The following CDH13 variants were observed in gnomAD, a reference collection of about 807,000 sequenced individuals.
The protein encoded by CDH13 is cadherin 13.
A neutral mutation model predicts 63.8 loss-of-function variants in CDH13; 24 were observed. The observed-to-expected ratio is 0.38, with a 90% CI of 0.27 to 0.53. The LOEUF is 0.53. CDH13 is among the 20% of genes least tolerant of loss of function. The pLI is 0.85. For missense variants in CDH13, 1,049 were observed against 903.1 expected, an observed-to-expected ratio of 1.16 and a Z score of -2.07; for synonymous variants, 503 against 355.3, an observed-to-expected ratio of 1.42 and a Z score of -4.67.
At chr16:83,435,749 C>G (rs1047889620) in intron 6 of CDH13, among the ~76,000 whole-genome samples, 1 of 152,074 alleles carries the variant, frequency 6.6e-6, no homozygotes, top group Non-Finnish European at 1.5e-5. Flanking sequence ...TAGGAGAGGC[C>G]AAGCCACTCT....
chr16:83,682,983 G>C (rs1324535635), intron 10 of CDH13, among the ~76,000 whole-genome samples: 1 of 152,122 alleles, frequency 6.6e-6, no homozygotes, highest in Admixed American at 6.5e-5. Context: ...TCCAACTCCT[G>C]GGCCACGTCC....
At chr16:83,261,552 T>TC (rs922401169) in intron 5 of CDH13, among the ~76,000 whole-genome samples, 4 of 151,974 alleles carry the variant, frequency 2.6e-5, no homozygotes, top group Admixed American at 2.6e-4. Context: ...CTCATATTTC[T>TC]CCCCAGCACA....
At chr16:82,697,241 T>G (rs542159960) in intron 1 of CDH13, among the ~76,000 whole-genome samples, 1 of 151,988 alleles carries the variant, frequency 6.6e-6, no homozygotes, top group Admixed American at 6.5e-5. Flanking sequence ...AAAGAAGGCG[T>G]TGTATATTCA....
intron 5 of CDH13, among the ~76,000 whole-genome samples, chr16:83,259,077 C>T (rs190296387): frequency 1.3e-5 from 2 of 152,136 alleles, no homozygotes; most frequent in African/African-American, 4.8e-5. Context: ...GTCCTCCTAG[C>T]CAGGGCTGTG....
At chr16:82,721,111 AC>A (rs1465463027) in intron 1 of CDH13, among the ~76,000 whole-genome samples, 1 of 152,216 alleles carries the variant, frequency 6.6e-6, no homozygotes, top group African/African-American at 2.4e-5. Flanking sequence ...TTATTCAATG[AC>A]CAGTCATTCC....
At chr16:83,568,661 G>A (rs938601958) in intron 7 of CDH13, among the ~76,000 whole-genome samples, 1 of 152,158 alleles carries the variant, frequency 6.6e-6, no homozygotes, top group Non-Finnish European at 1.5e-5. Flanking sequence ...TAGATGGGAA[G>A]GACTGAGAAG....
At chr16:83,417,519 C>T (rs1304048966) in intron 6 of CDH13, among the ~76,000 whole-genome samples, 1 of 152,148 alleles carries the variant, frequency 6.6e-6, no homozygotes, top group East Asian at 1.9e-4. Context: ...CCAATTTATC[C>T]TGCTCACTGA....
At chr16:83,766,419 A>T (rs1342795993) in intron 11 of CDH13, among the ~76,000 whole-genome samples, 3 of 152,256 alleles carry the variant, frequency 2.0e-5, no homozygotes, top group Non-Finnish European at 4.4e-5. Flanking sequence ...GCATCAACCT[A>T]AGAATTCAAA....
chr16:83,685,840 G>A (rs1904304341), intron 10 of CDH13, among the ~76,000 whole-genome samples: 1 of 152,166 alleles, frequency 6.6e-6, no homozygotes, highest in Non-Finnish European at 1.5e-5. Context: ...CTGTGCACAG[G>A]CCTCTGCCTC....
intron 6 of CDH13, among the ~76,000 whole-genome samples, chr16:83,464,467 G>A (rs971956040): frequency 7.9e-5 from 12 of 152,204 alleles, no homozygotes; most frequent in African/African-American, 2.7e-4. Context: ...AGCCAAGATC[G>A]TGCCATTGCA....
intron 3 of CDH13, among the ~76,000 whole-genome samples, chr16:83,075,224 C>T (rs2032745340): frequency 6.6e-6 from 1 of 152,176 alleles, no homozygotes; most frequent in South Asian, 2.1e-4. Context: ...TCCCAACTCC[C>T]TCACTTGTGA....
chr16:82,939,771 T>A (rs1045346172), intron 2 of CDH13, among the ~76,000 whole-genome samples: 2 of 152,206 alleles, frequency 1.3e-5, no homozygotes, highest in African/African-American at 4.8e-5. Context: ...TTTAAACCCA[T>A]TTCTCTAATG....
intron 2 of CDH13, among the ~76,000 whole-genome samples, chr16:82,928,676 C>T (rs2042383913): frequency 6.6e-6 from 1 of 152,122 alleles, no homozygotes; most frequent in Admixed American, 6.5e-5. Context: ...AAAAACTCCC[C>T]AAGTTTCAGT....
intron 3 of CDH13, among the ~76,000 whole-genome samples, chr16:83,094,863 C>G (rs942471565): frequency 1.3e-5 from 2 of 152,112 alleles, no homozygotes; most frequent in African/African-American, 4.8e-5. Context: ...ATATAGATAC[C>G]TACTTTTTAA....
At chr16:83,761,838 AG>A (rs1913993951) in intron 11 of CDH13, among the ~76,000 whole-genome samples, 1 of 152,182 alleles carries the variant, frequency 6.6e-6, no homozygotes, top group Non-Finnish European at 1.5e-5. Context: ...AGGCTGAGGC[AG>A]GTGGGTCACT....
chr16:83,408,088 C>T (rs9924792), intron 6 of CDH13, among the ~76,000 whole-genome samples: 1 of 152,132 alleles, frequency 6.6e-6, no homozygotes, highest in Non-Finnish European at 1.5e-5. Flanking sequence ...TTGGGGACAA[C>T]GTTCAGAATC....
chr16:83,293,210 A>G (rs2089505572), intron 5 of CDH13, among the ~76,000 whole-genome samples: 1 of 152,188 alleles, frequency 6.6e-6, no homozygotes, highest in Admixed American at 6.5e-5. Context: ...GCCAAATCCT[A>G]TGATAAGAGG....
intron 1 of CDH13, among the ~76,000 whole-genome samples, chr16:82,856,315 C>T (rs1273156475): frequency 2.7e-5 from 4 of 145,592 alleles, no homozygotes; most frequent in African/African-American, 1.0e-4. Flanking sequence ...GCGGAGCTTG[C>T]AGTGAGCAGA....
At chr16:83,182,493 T>G (rs895552725) in intron 4 of CDH13, among the ~76,000 whole-genome samples, 1 of 152,240 alleles carries the variant, frequency 6.6e-6, no homozygotes, top group African/African-American at 2.4e-5. Flanking sequence ...GTTCACTTTA[T>G]GATCTCCACG....
Sources: allele counts gnomAD v4.1 joint callset (sites outside exome capture counted in the v4.1 genomes callset), GRCh38; gene constraint gnomAD v4.1.1; transcripts MANE v1.5; gene names NCBI Gene and HGNC (gene_info 2026-07-23, HGNC 2026-07-21).